OSBPL10: variants seen among roughly 807,000 people sequenced by gnomAD.
The protein encoded by OSBPL10 is oxysterol binding protein like 10.
In OSBPL10, 49 loss-of-function variants were observed where a neutral mutation model predicts 81.7. That is an observed-to-expected ratio of 0.60 (90% CI 0.48 to 0.76). The LOEUF (loss-of-function observed/expected upper bound fraction) is 0.76, where lower values mean the gene tolerates loss of function less well. Ranked by LOEUF, OSBPL10 falls within the 30% of genes least tolerant of loss-of-function variation. The probability of loss-of-function intolerance (pLI) is 0.00; values close to 1 mark genes in which losing one functional copy is unlikely to be tolerated. For missense variants in OSBPL10, 923 were observed against 987.8 expected, an observed-to-expected ratio of 0.93 and a Z score of 0.88; for synonymous variants, 419 against 383.6, an observed-to-expected ratio of 1.09 and a Z score of -1.08.
intron 7 of OSBPL10, among the ~76,000 whole-genome samples, chr3:31,684,885 G>T (rs559096454): frequency 6.6e-6 from 1 of 151,390 alleles, no homozygotes; most frequent in South Asian, 2.2e-4. Flanking sequence ...TGGCAGAGTG[G>T]CTACCCCTAG....
chr3:32,073,229 T>C (rs1395444253), intron 1 of OSBPL10, among the ~76,000 whole-genome samples: 1 of 152,124 alleles, frequency 6.6e-6, no homozygotes, highest in Non-Finnish European at 1.5e-5. Flanking sequence ...GCAACTATCT[T>C]CCAGTCCTCC....
chr3:31,925,437 C>G (rs9637510), intron 1 of OSBPL10, among the ~76,000 whole-genome samples: 80,322 of 151,858 alleles, frequency 0.53, 21,703 homozygotes, highest in East Asian at 0.71. Context: ...AAACTTTTGA[C>G]TCCCCAGGAC....
At chr3:31,814,486 G>A (rs1699782504) in intron 4 of OSBPL10, among the ~76,000 whole-genome samples, 1 of 152,106 alleles carries the variant, frequency 6.6e-6, no homozygotes, top group South Asian at 2.1e-4. Flanking sequence ...GTAACTGGTG[G>A]CCTTTTAAGA....
At chr3:31,823,844 A>ATGTGTGTGTGTG (rs10588069) in intron 4 of OSBPL10, among the ~76,000 whole-genome samples, 3 of 148,306 alleles carry the variant, frequency 2.0e-5, no homozygotes, top group East Asian at 4.0e-4. Context: ...GTATGTGTGT[A>ATGTGTGTGTGTG]TGTGTGTGTG....
chr3:31,748,031 C>T lies in OSBPL10; in HGVS notation c.819G>A (p.Gln273=), dbSNP rs1697585268. Reference sequence around the variant, plus strand: ...AGGTAGCTTTCAGGAGCAGCAGGTCCTGGTCCAAGGCAGTGAGGGGGCCGG... The same window carrying T: ...AGGTAGCTTTCAGGAGCAGCAGGTCTTGGTCCAAGGCAGTGAGGGGGCCGG... ...PGSGPLTALD[Q]DLLLLKATSA... The change falls in exon 5 of 12, where the codon CAG becomes CAA. Residue 273 remains glutamine, a synonymous_variant. Transcript: ENST00000396556. The T allele has an allele frequency of 1.9e-6, 3 of 1,614,178 alleles. No individual in the cohort carries two copies. Among genetic ancestry groups the T allele is most frequent in the Non-Finnish European group, 2.5e-6 (3 of 1,180,036 alleles).
At chr3:31,902,711 C>T (rs1171712514) in intron 1 of OSBPL10, among the ~76,000 whole-genome samples, 7 of 152,148 alleles carry the variant, frequency 4.6e-5, no homozygotes, top group Non-Finnish European at 8.8e-5. Context: ...TACAGGCACC[C>T]GCCACCACGC....
intron 2 of OSBPL10, 98 bp from the exon 3 acceptor site, chr3:31,876,610 G>T (rs111472757): frequency 5.2e-6 from 5 of 955,852 alleles, no homozygotes; most frequent in Non-Finnish European, 8.3e-6. Context: ...GGGAGCCTGG[G>T]GAGTGAGAGG....
chr3:31,758,912 T>G (rs899248019), intron 4 of OSBPL10, among the ~76,000 whole-genome samples: 1 of 152,226 alleles, frequency 6.6e-6, no homozygotes, highest in Non-Finnish European at 1.5e-5. Flanking sequence ...GAGACTATGC[T>G]TCCCAGCCTG....
Position 31,686,788 on chromosome 3 carries a change from C to T in OSBPL10, c.1246-2674G>A, listed in dbSNP as rs149236644. ...CCTCTATTACTTCCTATGCCTTTTTCGTGGGGACAGGTCATCATTCAGCAA... is the reference window on the plus strand; with the variant it reads ...CCTCTATTACTTCCTATGCCTTTTTTGTGGGGACAGGTCATCATTCAGCAA... On this transcript the variant is annotated intron_variant, in intron 7 of 11. Transcript: ENST00000396556. 9.2e-5 allele frequency among the ~76,000 whole-genome samples: 14 copies of T among 152,198 alleles called. 1 individual carries two copies. The South Asian group carries it at 2.3e-3, about 25-fold the overall frequency.
At chr3:31,759,210 C>A (rs1245116092) in intron 4 of OSBPL10, among the ~76,000 whole-genome samples, 3 of 152,178 alleles carry the variant, frequency 2.0e-5, no homozygotes, top group African/African-American at 7.2e-5. Context: ...CAGAAGGATT[C>A]CGAGTAGAAG....
At chr3:31,844,032 T>C (rs772024394) in intron 3 of OSBPL10, among the ~76,000 whole-genome samples, 3 of 152,182 alleles carry the variant, frequency 2.0e-5, no homozygotes, top group Non-Finnish European at 2.9e-5. Context: ...AGTACAAAGA[T>C]TGTTTTTCCC....
chr3:31,990,705 A>T, intron 2 of OSBPL10: 1 of 1,614,090 alleles, frequency 6.2e-7, no homozygotes. Flanking sequence ...AATGTGAAGA[A>T]TGTGACACAG....
At chr3:31,982,326 G>C (rs1559541924), upstream of OSBPL10, among the ~76,000 whole-genome samples, 1 of 151,946 alleles carries the variant, frequency 6.6e-6, no homozygotes, top group African/African-American at 2.4e-5. Context: ...AAATTACCTA[G>C]AAAAAAGCTT....
At chr3:32,076,520 T>TG (rs1575097550) in intron 1 of OSBPL10, among the ~76,000 whole-genome samples, 2 of 152,344 alleles carry the variant, frequency 1.3e-5, no homozygotes, top group East Asian at 3.9e-4. Flanking sequence ...TTAAGGCATC[T>TG]GGTCAGAGAA....
At chr3:32,012,140 G>A (rs988000722) in intron 2 of OSBPL10, among the ~76,000 whole-genome samples, 2 of 152,154 alleles carry the variant, frequency 1.3e-5, no homozygotes, top group Non-Finnish European at 2.9e-5. Context: ...ACACATAATT[G>A]TCAGATTCAC....
rs1441760434 is a variant in OSBPL10, at chr3:32,060,570, C to G, written n.186-13967G>C. On this transcript the variant is annotated intron_variant and non_coding_transcript_variant, in intron 1 of 3. Coordinates refer to the OSBPL10 transcript ENST00000479173. Reference sequence around the variant, plus strand: ...GAGCAATAATATCCCCACTCTTCATCTCCAATTGTCTCCAAGCATTCTCTT... The same window carrying G: ...GAGCAATAATATCCCCACTCTTCATGTCCAATTGTCTCCAAGCATTCTCTT... Among the ~76,000 whole-genome samples, 8 of 33,226 alleles carry G rather than the reference C, an allele frequency of 2.4e-4. 4 individuals carry two copies. The highest frequency in any genetic ancestry group is 1.2e-3 in the Non-Finnish European group (8 of 6,424). 21.8% of individuals were successfully genotyped at this position (33,226 alleles called of 152,430 possible).
chr3:31,689,196 C>A (rs1288972651), intron 7 of OSBPL10, among the ~76,000 whole-genome samples: 1 of 151,928 alleles, frequency 6.6e-6, no homozygotes, highest in African/African-American at 2.4e-5. Flanking sequence ...GACTTGAACT[C>A]TTCAGTATCA....
chr3:32,072,866 A>G (rs1699842061), intron 1 of OSBPL10, among the ~76,000 whole-genome samples: 1 of 152,136 alleles, frequency 6.6e-6, no homozygotes, highest in East Asian at 1.9e-4. Flanking sequence ...CCTTTTTGTC[A>G]GACATAATTC....
chr3:31,994,597 G>C (rs1024659237), intron 2 of OSBPL10, among the ~76,000 whole-genome samples: 1 of 152,018 alleles, frequency 6.6e-6, no homozygotes, highest in Non-Finnish European at 1.5e-5. Flanking sequence ...AGATCTTTTG[G>C]GTAGGTGTGC....
Sources: allele counts gnomAD v4.1 joint callset (sites outside exome capture counted in the v4.1 genomes callset), GRCh38; gene constraint gnomAD v4.1.1; transcripts MANE v1.5; gene names NCBI Gene and HGNC (gene_info 2026-07-23, HGNC 2026-07-21).